The following HMCN2 variants were observed in gnomAD, a reference collection of about 807,000 sequenced individuals.
HMCN2 encodes the protein hemicentin-2.
In HMCN2, 325 loss-of-function variants were observed where a neutral mutation model predicts 377.5. The observed-to-expected ratio is 0.86, with a 90% CI of 0.79 to 0.94. The LOEUF (loss-of-function observed/expected upper bound fraction) is 0.94, where lower values mean the gene tolerates loss of function less well. Among genes scored for constraint, HMCN2 ranks in the 40% least tolerant of loss-of-function variants. HMCN2 has a pLI of 0.00. For synonymous variants in HMCN2, 2,007 were observed against 2,046.8 expected, an observed-to-expected ratio of 0.98 and a Z score of 0.53; for missense variants, 4,543 against 4,725.3, an observed-to-expected ratio of 0.96 and a Z score of 1.13.
chr9:130,337,207 G>C (rs1408836908), intron 22 of HMCN2, among the ~76,000 whole-genome samples: 1 of 152,302 alleles, frequency 6.6e-6, no homozygotes, highest in African/African-American at 2.4e-5. Context: ...GGGGGTCCTC[G>C]ATCCCTGTGG....
At chr9:130,367,362 A>T (rs953969313) in intron 43 of HMCN2, among the ~76,000 whole-genome samples, 4 of 152,166 alleles carry the variant, frequency 2.6e-5, no homozygotes, top group Non-Finnish European at 4.4e-5. Context: ...ACCAGGACAG[A>T]GAGGGAGGAA....
chr9:130,266,261 C>T (rs1834093201), intron 1 of HMCN2, 124 bp downstream of exon 1: 1 of 357,478 alleles, frequency 2.8e-6, no homozygotes, highest in Non-Finnish European at 5.5e-6. Context: ...GGCGGGCGCG[C>T]CTTCTCGGCA....
Position 130,384,553 on chromosome 9 carries a change from C to T in HMCN2, c.8992+19C>T. 1 of 1,304,202 alleles carries T rather than the reference C, an allele frequency of 7.7e-7. No homozygotes were observed. The highest frequency in any genetic ancestry group is 1.0e-6 in the Non-Finnish European group (1 of 988,934). The allele number at this position is 1,304,202 out of a possible 1,614,324, so 80.8% of individuals were successfully genotyped here. ...CTGCCTGGTGGGTAAACTGAGGTGTCCGGCCCAGCTCTAAGGTTACATGGG... is the reference window on the plus strand; with the variant it reads ...CTGCCTGGTGGGTAAACTGAGGTGTTCGGCCCAGCTCTAAGGTTACATGGG... On this transcript the variant is annotated intron_variant, in intron 58 of 97. Coordinates refer to ENST00000683500, the MANE Select transcript of HMCN2 (RefSeq NM_001291815.2).
At chr9:130,391,669 A>G (rs1842329129) in intron 65 of HMCN2, 95 bp downstream of exon 65, 2 of 967,520 alleles carry the variant, frequency 2.1e-6, no homozygotes, top group African/African-American at 1.8e-5. Context: ...GTCCTGGGCC[A>G]CGGGTCTCAC....
chr9:130,303,656 T>C lies in HMCN2; in HGVS notation c.1543+48T>C, dbSNP rs1554935428. On this transcript the variant is annotated intron_variant, in intron 10 of 97. Transcript: ENST00000683500. This position sits in a 1 kb window ranked among gnomAD's most constrained non-coding sequence, Gnocchi z 5.2. Reference sequence around the variant, plus strand: ...ATGTACCCCTTCCTTACCCTCTTCTTGGGTTCTTACCCCTAGGATTTCCTC... The same window carrying C: ...ATGTACCCCTTCCTTACCCTCTTCTCGGGTTCTTACCCCTAGGATTTCCTC... 4.5e-6 allele frequency: 1 copy of C among 220,226 alleles called. No homozygotes were observed. Among genetic ancestry groups the C allele is most frequent in the South Asian group, 4.9e-5 (1 of 20,416 alleles). 13.6% of individuals were successfully genotyped at this position (220,226 alleles called of 1,614,324 possible).
At chr9:130,280,828 A>G (rs1208492246) in intron 1 of HMCN2, among the ~76,000 whole-genome samples, 1 of 152,186 alleles carries the variant, frequency 6.6e-6, no homozygotes, top group Admixed American at 6.6e-5. Flanking sequence ...GCAATTGGCC[A>G]GGCGCAGTGG....
chr9:130,416,100 A>ATTTTTTTT (rs34382467), intron 85 of HMCN2, among the ~76,000 whole-genome samples: 1 of 130,736 alleles, frequency 7.6e-6, no homozygotes, highest in Non-Finnish European at 1.6e-5. Flanking sequence ...TAGAGGCTTT[A>ATTTTTTTT]TTTTTTTTTT....
intron 1 of HMCN2, among the ~76,000 whole-genome samples, chr9:130,281,203 TAAG>T (rs1389651612): frequency 2.0e-5 from 3 of 152,148 alleles, no homozygotes; most frequent in African/African-American, 7.2e-5. Flanking sequence ...GAGCAGGAGT[TAAG>T]AAGAGCTCTG....
chr9:130,396,302 C>G lies in HMCN2; in HGVS notation c.11187C>G (p.Pro3729=), dbSNP rs771672254. ...GGAAGGACAGGGTCCCCCTGGATCC[C>G]AGGAGCCCCAGGTGGGAGAGGGAAG... ...SWRKDRVPLD[P]RSPRFEILPE... is the part of the protein sequence containing the mutation. The change falls in exon 73 of 98, where the codon CCC becomes CCG. Residue 3729 remains proline (P), a synonymous_variant. Transcript: ENST00000683500. 3 of 1,271,038 alleles carry G rather than the reference C, an allele frequency of 2.4e-6. No individual in the cohort carries two copies. The highest frequency in any genetic ancestry group is 1.2e-5 in the South Asian group (1 of 80,514). The allele number at this position is 1,271,038 out of a possible 1,614,324, so 78.7% of individuals were successfully genotyped here.
intron 53 of HMCN2, among the ~76,000 whole-genome samples, chr9:130,378,748 T>C (rs1841535997): frequency 6.6e-6 from 1 of 152,184 alleles, no homozygotes; most frequent in Non-Finnish European, 1.5e-5. Context: ...CCGGTGCTTC[T>C]GGCCACCAGT....
intron 85 of HMCN2, 114 bp from the exon 86 acceptor site, chr9:130,418,655 GTTC>G (rs1230466696): frequency 1.1e-6 from 1 of 878,594 alleles, no homozygotes; most frequent in East Asian, 2.9e-5. Flanking sequence ...ATCCTATGCA[GTTC>G]TTATTTTCTT....
At chr9:130,405,156 A>T (rs1843032123) in intron 81 of HMCN2, 97 bp downstream of exon 81, 1 of 835,066 alleles carries the variant, frequency 1.2e-6, no homozygotes, top group Non-Finnish European at 1.5e-6. Flanking sequence ...TAACCCTGGG[A>T]GCCTGGGGAA....
At position 130,425,872 on chromosome 9, in the gene HMCN2, T is replaced by C; in HGVS notation, c.13827T>C (p.Phe4609=). The stretch of plus-strand genomic sequence containing the variant: ...GGGCCTCAGCTATCAGCTCGGCCTT[T>C]GATCCAGAGGCCGAGGCCCTGCGCT... ...HLRASAISSA[F]DPEAEALRFQ... The change falls in exon 90 of 98, where the codon TTT becomes TTC. Residue 4609 remains phenylalanine, a synonymous_variant. Transcript: ENST00000683500. 3 of 1,550,350 alleles carry C rather than the reference T, an allele frequency of 1.9e-6. No homozygotes were observed. The highest frequency in any genetic ancestry group is 1.7e-6 in the Non-Finnish European group (2 of 1,146,950).
chr9:130,364,625 G>A (rs1192338765), intron 40 of HMCN2, 89 bp from the exon 41 acceptor site: 16 of 656,250 alleles, frequency 2.4e-5, no homozygotes, highest in Middle Eastern at 7.7e-4. Flanking sequence ...TGGCTGCTGC[G>A]AGTAGCTAGG....
In HMCN2 at chr9:130,414,749, C is replaced by T. The variant is rs1045068106; in HGVS notation, c.12962-4023C>T. 2.0e-5 allele frequency among the ~76,000 whole-genome samples: 3 copies of T among 151,954 alleles called. No homozygotes were observed. In the East Asian group the frequency reaches 5.8e-4, roughly 29 times the overall value. On this transcript the variant is annotated intron_variant, in intron 85 of 97. Coordinates refer to ENST00000683500, the MANE Select transcript of HMCN2 (RefSeq NM_001291815.2). This position sits in a 1 kb window ranked among gnomAD's most constrained non-coding sequence, Gnocchi z 4.4. Reference sequence around the variant, plus strand: ...TCCCAAGTAGCTGGGACTGCAGGCACGTGCCACCACACCCGGCTAATTTTT... The same window carrying T: ...TCCCAAGTAGCTGGGACTGCAGGCATGTGCCACCACACCCGGCTAATTTTT...
At chr9:130,322,300 A>AGGGGG (rs1837893003) in intron 19 of HMCN2, among the ~76,000 whole-genome samples, 1 of 151,130 alleles carries the variant, frequency 6.6e-6, no homozygotes, top group African/African-American at 2.4e-5. Flanking sequence ...CATAAAAATT[A>AGGGGG]TCTATCATCT....
chr9:130,346,161 C>T (rs1373054000), intron 25 of HMCN2, among the ~76,000 whole-genome samples: 1 of 151,972 alleles, frequency 6.6e-6, no homozygotes, highest in African/African-American at 2.4e-5. Flanking sequence ...TCAGCGCTGG[C>T]GGAGGTCAGG....
At chr9:130,391,601 G>A (rs930943328) in intron 65 of HMCN2, 27 bp downstream of exon 65, 4 of 986,216 alleles carry the variant, frequency 4.1e-6, no homozygotes, top group South Asian at 4.7e-5. Context: ...CATCTGGAGG[G>A]TGATGCGTGG....
chr9:130,373,526 T>A (rs1327253661), intron 48 of HMCN2, among the ~76,000 whole-genome samples: 2 of 146,936 alleles, frequency 1.4e-5, no homozygotes, highest in Non-Finnish European at 3.0e-5. Context: ...GTTTCCCCAG[T>A]GCCTGGCAGA....
Sources: allele counts gnomAD v4.1 joint callset (sites outside exome capture counted in the v4.1 genomes callset), GRCh38; gene constraint gnomAD v4.1.1; non-coding constraint Gnocchi (gnomAD v3.1); transcripts MANE v1.5; gene names NCBI Gene and HGNC (gene_info 2026-07-23, HGNC 2026-07-21).